Variants in ATP11B observed in about 807,000 individuals in gnomAD.
ATP11B encodes phospholipid-transporting ATPase IF.
A neutral mutation model predicts 157.8 loss-of-function variants in ATP11B; 81 were observed. The observed-to-expected ratio is 0.51, with a 90% CI of 0.43 to 0.62. The LOEUF is 0.62. Ranked by LOEUF, ATP11B falls within the 20% of genes least tolerant of loss-of-function variation. The probability of loss-of-function intolerance (pLI) is 0.00; values close to 1 mark genes in which losing one functional copy is unlikely to be tolerated. For synonymous variants in ATP11B, 451 were observed against 469.4 expected, an observed-to-expected ratio of 0.96 and a Z score of 0.51; for missense variants, 1,165 against 1,402.2, an observed-to-expected ratio of 0.83 and a Z score of 2.70.
intron 7 of ATP11B, among the ~76,000 whole-genome samples, chr3:182,840,874 T>C (rs912247948): frequency 6.6e-6 from 1 of 152,222 alleles, no homozygotes; most frequent in South Asian, 2.1e-4. Flanking sequence ...ATAGTGTTCC[T>C]TTTTAAATGT....
chr3:182,897,263 A>T, intron 26 of ATP11B, 40 bp from the exon 27 acceptor site: 1 of 1,152,558 alleles, frequency 8.7e-7, no homozygotes, highest in Non-Finnish European at 1.2e-6. Flanking sequence ...GTAAAGCTTT[A>T]TTTGTTTATA....
rs913734851 is a variant in ATP11B at position 182,851,565 on chromosome 3, T to C, written c.851+3008T>C. On this transcript the variant is annotated intron_variant, in intron 10 of 29. Transcript: ENST00000323116. ...TGAACTGTTACAAAGGTCTTACATT[T>C]TACATGAAATAATACAATAGCATCT... Among the ~76,000 whole-genome samples, 20 of 152,286 alleles carry C rather than the reference T, an allele frequency of 1.3e-4. No homozygotes were observed. The East Asian group carries it at 3.9e-3, about 29-fold the overall frequency.
In ATP11B at chr3:182,899,793, A is replaced by C. The variant is rs1723825192; in HGVS notation, c.3318+1021A>C. ...ATTTCCAAATACTTAGTAGGTGCTC[A>C]AGGATAGTAGCTATTTAGTTGACTG... is the stretch of plus-strand genomic sequence containing the variant. On this transcript the variant is annotated intron_variant, in intron 28 of 29. Coordinates refer to ENST00000323116, the MANE Select transcript of ATP11B (RefSeq NM_014616.3). Among the ~76,000 whole-genome samples, 5 of 152,334 alleles carry C rather than the reference A, an allele frequency of 3.3e-5. No individual in the cohort carries two copies. In the South Asian group the frequency reaches 1.0e-3, roughly 32 times the overall value.
rs747641360 is a variant in ATP11B, at chr3:182,850,191, C to T, written c.851+1634C>T. ...TTCACCATATAAATAATCAACTCAA[C>T]GCTGAGCACGGTGGCTCATGCCTGT... is the stretch of plus-strand genomic sequence containing the variant. On this transcript the variant is annotated intron_variant, in intron 10 of 29. Transcript: ENST00000323116. Among the ~76,000 whole-genome samples, 11 of 152,106 alleles carry T rather than the reference C, an allele frequency of 7.2e-5. No homozygotes were observed. In the South Asian group the frequency reaches 8.3e-4, roughly 11 times the overall value.
At chr3:182,881,676 A>G (rs1466148658) in intron 21 of ATP11B, among the ~76,000 whole-genome samples, 2 of 152,212 alleles carry the variant, frequency 1.3e-5, no homozygotes, top group African/African-American at 4.8e-5. Flanking sequence ...TTCATAATAA[A>G]AGTAGCTTTA....
intron 28 of ATP11B, among the ~76,000 whole-genome samples, chr3:182,908,202 T>C (rs1003296819): frequency 9.1e-4 from 124 of 136,354 alleles, no homozygotes; most frequent in Non-Finnish European, 1.6e-3. Context: ...TTTTCTTTTT[T>C]TTTTTTTTTT....
intron 2 of ATP11B, among the ~76,000 whole-genome samples, chr3:182,823,722 C>T (rs776592180): frequency 2.0e-5 from 3 of 152,042 alleles, no homozygotes; most frequent in East Asian, 1.9e-4. Context: ...GCCATTTTCA[C>T]GATGTTGATT....
intron 17 of ATP11B, among the ~76,000 whole-genome samples, chr3:182,871,191 A>C (rs946089882): frequency 6.6e-6 from 1 of 151,216 alleles, no homozygotes; most frequent in Non-Finnish European, 1.5e-5. Context: ...CTAGCTACTC[A>C]GGAGGCTGAG....
intron 1 of ATP11B, among the ~76,000 whole-genome samples, chr3:182,817,709 G>GT (rs1050437995): frequency 6.6e-6 from 1 of 152,112 alleles, no homozygotes; most frequent in Non-Finnish European, 1.5e-5. Flanking sequence ...TTTGCTTCAT[G>GT]TAAAGTATGT....
intron 1 of ATP11B, among the ~76,000 whole-genome samples, chr3:182,798,896 G>T (rs1715801015): frequency 6.6e-6 from 1 of 152,164 alleles, no homozygotes; most frequent in East Asian, 1.9e-4. Flanking sequence ...AATATTAAAT[G>T]CTACTTGTTT....
intron 4 of ATP11B, among the ~76,000 whole-genome samples, chr3:182,834,508 T>A (rs4859141): frequency 1 from 151,895 of 152,304 alleles, 75,746 homozygotes; most frequent in Middle Eastern, 1. Context: ...AGGCAAGCAT[T>A]TTTTTTCACA....
intron 25 of ATP11B, among the ~76,000 whole-genome samples, chr3:182,891,229 G>A (rs1204309324): frequency 3.3e-5 from 5 of 152,132 alleles, no homozygotes; most frequent in African/African-American, 1.2e-4. Flanking sequence ...GGAGAGTTAA[G>A]AAGAAGGAAA....
intron 27 of ATP11B, 48 bp downstream of exon 27, chr3:182,897,454 A>G: frequency 2.4e-6 from 3 of 1,270,730 alleles, no homozygotes; most frequent in Non-Finnish European, 3.3e-6. Context: ...ACTATAATAA[A>G]CATTTATTGT....
intron 1 of ATP11B, among the ~76,000 whole-genome samples, chr3:182,813,853 G>T (rs1046341294): frequency 1.3e-5 from 2 of 151,576 alleles, no homozygotes; most frequent in African/African-American, 2.4e-5. Context: ...TCAGCCTCCC[G>T]AGTAGCTGGA....
At chr3:182,867,489 T>TATAG in intron 15 of ATP11B, 45 bp downstream of exon 15, 1 of 1,324,072 alleles carries the variant, frequency 7.6e-7, no homozygotes, top group Non-Finnish European at 1.1e-6. Context: ...GTTAAGTGTA[T>TATAG]ATAGTATAGA....
chr3:182,859,661 CT>C (rs1222002376), intron 12 of ATP11B, among the ~76,000 whole-genome samples: 2 of 152,140 alleles, frequency 1.3e-5, no homozygotes, highest in African/African-American at 4.8e-5. Context: ...CCATAGCCCC[CT>C]AATACTATCA....
At chr3:182,828,060 T>G (rs939815381) in intron 2 of ATP11B, 60 bp from the exon 3 acceptor site, 2 of 722,438 alleles carry the variant, frequency 2.8e-6, no homozygotes, top group Non-Finnish European at 2.1e-6. Flanking sequence ...CTTCTTAATA[T>G]TATGTCTATA....
At chr3:182,800,850 C>T (rs987417358) in intron 1 of ATP11B, among the ~76,000 whole-genome samples, 4 of 150,820 alleles carry the variant, frequency 2.7e-5, no homozygotes, top group African/African-American at 4.9e-5. Flanking sequence ...GCGCGATCTC[C>T]GCTCACTGCA....
intron 4 of ATP11B, among the ~76,000 whole-genome samples, chr3:182,830,734 AAGAT>A (rs1386006360): frequency 6.6e-6 from 1 of 152,238 alleles, no homozygotes; most frequent in Non-Finnish European, 1.5e-5. Flanking sequence ...ATACATAAGA[AAGAT>A]AGAGGAGCCT....
Sources: allele counts gnomAD v4.1 joint callset (sites outside exome capture counted in the v4.1 genomes callset), GRCh38; gene constraint gnomAD v4.1.1; transcripts MANE v1.5; gene names NCBI Gene and HGNC (gene_info 2026-07-23, HGNC 2026-07-21).